SH3RF3: variants seen among roughly 807,000 people sequenced by gnomAD.
SH3RF3 encodes the protein SH3 domain containing ring finger 3.
SH3RF3 carries 29 observed loss-of-function variants against 66.3 expected under a neutral mutation model. The observed-to-expected ratio is 0.44, with a 90% confidence interval of 0.33 to 0.60. The LOEUF is 0.60. SH3RF3 is among the 20% of genes least tolerant of loss of function. The probability of loss-of-function intolerance (pLI) is 0.04; values close to 1 mark genes in which losing one functional copy is unlikely to be tolerated. For synonymous variants in SH3RF3, 583 were observed against 532.0 expected (o/e 1.10, Z -1.32); for missense variants, 1,194 against 1,190.9 (o/e 1.00, Z -0.04).
At chr2:109,259,770 G>A (rs928442136) in intron 1 of SH3RF3, among the ~76,000 whole-genome samples, 2 of 152,190 alleles carry the variant, frequency 1.3e-5, no homozygotes, top group Non-Finnish European at 2.9e-5. Flanking sequence ...TGCATGTGGA[G>A]GGAGCTTTAT....
At chr2:109,229,925 C>T (rs1387131086) in intron 1 of SH3RF3, among the ~76,000 whole-genome samples, 5 of 151,266 alleles carry the variant, frequency 3.3e-5, no homozygotes, top group African/African-American at 4.8e-5. Flanking sequence ...CCTGGGTTCA[C>T]GCCATTCTCC....
chr2:109,164,712 A>T (rs1334870097), intron 1 of SH3RF3, among the ~76,000 whole-genome samples: 1 of 152,188 alleles, frequency 6.6e-6, no homozygotes, highest in Non-Finnish European at 1.5e-5. Context: ...ATCATGATCA[A>T]TCAGGCTACC....
chr2:109,162,885 A>AC (rs886883567), intron 1 of SH3RF3, among the ~76,000 whole-genome samples: 1 of 151,106 alleles, frequency 6.6e-6, no homozygotes, highest in Non-Finnish European at 1.5e-5. Flanking sequence ...TTACCAAAAA[A>AC]ACCACCTCTT....
chr2:109,185,995 A>G (rs557632297), intron 1 of SH3RF3, among the ~76,000 whole-genome samples: 1 of 152,186 alleles, frequency 6.6e-6, no homozygotes, highest in Non-Finnish European at 1.5e-5. Context: ...AGCACATTTC[A>G]TACCATTCTC....
chr2:109,451,519 T>G (rs1203906319), intron 8 of SH3RF3, among the ~76,000 whole-genome samples: 1 of 152,128 alleles, frequency 6.6e-6, no homozygotes, highest in Non-Finnish European at 1.5e-5. Flanking sequence ...CATTGCTGAG[T>G]GGGTTTCTAT....
intron 8 of SH3RF3, among the ~76,000 whole-genome samples, chr2:109,474,980 TG>T (rs1559103292): frequency 3.3e-4 from 50 of 152,278 alleles, no homozygotes; most frequent in African/African-American, 1.2e-3. Context: ...TTTGTTTGTT[TG>T]TTTGTTTGTT....
intron 8 of SH3RF3, among the ~76,000 whole-genome samples, chr2:109,468,670 A>G (rs1678422278): frequency 6.6e-6 from 1 of 151,930 alleles, no homozygotes; most frequent in African/African-American, 2.4e-5. Context: ...CCTGGCCAAC[A>G]TGGTGAAACC....
At chr2:109,156,576 G>C (rs1677351284) in intron 1 of SH3RF3, among the ~76,000 whole-genome samples, 1 of 152,046 alleles carries the variant, frequency 6.6e-6, no homozygotes, top group Non-Finnish European at 1.5e-5. Context: ...CTTCTGAGTA[G>C]CTGAGATTAC....
At chr2:109,377,825 A>G (rs533610350) in intron 3 of SH3RF3, among the ~76,000 whole-genome samples, 5 of 152,126 alleles carry the variant, frequency 3.3e-5, no homozygotes, top group African/African-American at 9.6e-5. Flanking sequence ...CCTCCTTGTC[A>G]CTTTATCTTT....
chr2:109,453,888 G>A (rs142004639), intron 8 of SH3RF3, among the ~76,000 whole-genome samples: 2 of 152,342 alleles, frequency 1.3e-5, no homozygotes, highest in East Asian at 3.9e-4. Context: ...GTCAGCCTGA[G>A]CAGAGGCCAG....
At chr2:109,316,721 A>T (rs778941442) in intron 1 of SH3RF3, among the ~76,000 whole-genome samples, 11 of 152,174 alleles carry the variant, frequency 7.2e-5, no homozygotes, top group Non-Finnish European at 1.5e-4. Context: ...GGTTTGGACA[A>T]ATCTATAATG....
intron 3 of SH3RF3, among the ~76,000 whole-genome samples, chr2:109,386,285 C>T (rs1165692133): frequency 4.6e-5 from 7 of 152,138 alleles, no homozygotes; most frequent in East Asian, 3.8e-4. Context: ...CCGTTAGAGA[C>T]GCATATGGAG....
At chr2:109,318,112 G>T (rs1456921122) in intron 1 of SH3RF3, among the ~76,000 whole-genome samples, 1 of 136,476 alleles carries the variant, frequency 7.3e-6, no homozygotes, top group Non-Finnish European at 1.6e-5. Flanking sequence ...AAAAAAAAAA[G>T]CCCCCTTTAA....
At chr2:109,238,601 T>C (rs1679704733) in intron 1 of SH3RF3, among the ~76,000 whole-genome samples, 1 of 152,042 alleles carries the variant, frequency 6.6e-6, no homozygotes, top group Non-Finnish European at 1.5e-5. Flanking sequence ...TCAGGAATTC[T>C]TTTTCGCATT....
chr2:109,384,506 T>G (rs1675774372), intron 3 of SH3RF3, among the ~76,000 whole-genome samples: 1 of 151,148 alleles, frequency 6.6e-6, no homozygotes, highest in African/African-American at 2.4e-5. Flanking sequence ...GGAGAGGGGT[T>G]GGGGTCAGAG....
chr2:109,377,301 G>C (rs1013971799), intron 3 of SH3RF3, among the ~76,000 whole-genome samples: 1 of 152,216 alleles, frequency 6.6e-6, no homozygotes, highest in Non-Finnish European at 1.5e-5. Context: ...GCTGGAGCAC[G>C]TGGTGAGCAA....
chr2:109,315,187 C>T (rs1681846390), intron 1 of SH3RF3, among the ~76,000 whole-genome samples: 1 of 152,230 alleles, frequency 6.6e-6, no homozygotes, highest in South Asian at 2.1e-4. Flanking sequence ...TGACTTTTCT[C>T]TGGGTCCCCC....
In SH3RF3 at chr2:109,395,807, C is replaced by T. The variant is rs72943397; in HGVS notation, c.946-2783C>T. 2.1e-3 allele frequency among the ~76,000 whole-genome samples: 322 copies of T among 152,342 alleles called. 1 individual carries two copies. The highest frequency in any genetic ancestry group is 7.5e-3 in the African/African-American group (314 of 41,590). On this transcript the variant is annotated intron_variant, in intron 3 of 9. Coordinates refer to ENST00000309415, the MANE Select transcript of SH3RF3 (RefSeq NM_001099289.3). ...AGAATAGGGAGCCTGGAAATCCATG[C>T]TGACATTCAGATCAGGGCCCCATCT... is the stretch of plus-strand genomic sequence containing the variant.
intron 4 of SH3RF3, among the ~76,000 whole-genome samples, chr2:109,408,894 AC>A (rs1210420838): frequency 6.6e-5 from 10 of 152,214 alleles, no homozygotes; most frequent in African/African-American, 2.2e-4. Flanking sequence ...ATCAGAGGCA[AC>A]AGGCGAGTGA....
Sources: allele counts gnomAD v4.1 joint callset (sites outside exome capture counted in the v4.1 genomes callset), GRCh38; gene constraint gnomAD v4.1.1; transcripts MANE v1.5; gene names NCBI Gene and HGNC (gene_info 2026-07-23, HGNC 2026-07-21).